The following TBC1D22A variants were observed in gnomAD, a reference collection of about 807,000 sequenced individuals.
The protein encoded by TBC1D22A is TBC1 domain family member 22A.
TBC1D22A carries 38 observed loss-of-function variants against 60.2 expected under a neutral mutation model. The ratio of observed to expected loss-of-function variants is 0.63; its 90% CI spans 0.49 to 0.83. TBC1D22A has a LOEUF of 0.83. Ranked by LOEUF, TBC1D22A falls within the 40% of genes least tolerant of loss-of-function variation. The pLI is 0.00. For synonymous variants in TBC1D22A, 302 were observed against 281.7 expected (o/e 1.07, Z -0.72); for missense variants, 628 against 701.0 (o/e 0.90, Z 1.18).
At chr22:46,824,938 G>T (rs2085985402) in intron 4 of TBC1D22A, among the ~76,000 whole-genome samples, 1 of 152,142 alleles carries the variant, frequency 6.6e-6, no homozygotes, top group African/African-American at 2.4e-5. Flanking sequence ...GGACACAGGT[G>T]TGTCTGTAGT....
At chr22:47,011,198 C>T (rs1258960301) in intron 10 of TBC1D22A, among the ~76,000 whole-genome samples, 1 of 152,174 alleles carries the variant, frequency 6.6e-6, no homozygotes, top group Admixed American at 6.5e-5. Flanking sequence ...CCTCCCAGTT[C>T]CTCCCTACCT....
chr22:46,921,427 T>C (rs1384746822), intron 8 of TBC1D22A, among the ~76,000 whole-genome samples: 2 of 152,266 alleles, frequency 1.3e-5, no homozygotes, highest in Non-Finnish European at 2.9e-5. Flanking sequence ...TCTTGTTCTT[T>C]TTTATAGCTG....
chr22:47,161,952 A>T (rs1363031480), intron 12 of TBC1D22A, among the ~76,000 whole-genome samples: 1 of 152,212 alleles, frequency 6.6e-6, no homozygotes, highest in East Asian at 1.9e-4. Flanking sequence ...GGCACCGCTG[A>T]GCGCCTTTGC....
rs1386952481 is a variant in TBC1D22A at position 46,777,531 on chromosome 22, A to G, written c.62+14683A>G. On this transcript the variant is annotated intron_variant, in intron 1 of 12. Transcript: ENST00000337137. This position sits in a 1 kb window ranked among gnomAD's most constrained non-coding sequence, Gnocchi z 4.5. ...GTTTACTCGGGTGGAGGAGGTCAGG[A>G]GAGAGCATGATTTTTCATAAGAGAA... is the stretch of plus-strand genomic sequence containing the variant. 6.6e-6 allele frequency among the ~76,000 whole-genome samples: 1 copy of G among 152,098 alleles called. No homozygotes were observed. The highest frequency in any genetic ancestry group is 2.4e-5 in the African/African-American group (1 of 41,416).
At chr22:46,790,080 G>T (rs1214820012) in intron 1 of TBC1D22A, among the ~76,000 whole-genome samples, 1 of 152,224 alleles carries the variant, frequency 6.6e-6, no homozygotes, top group Non-Finnish European at 1.5e-5. Flanking sequence ...AGCAAACATG[G>T]TATCCTAGAG....
intron 4 of TBC1D22A, among the ~76,000 whole-genome samples, chr22:46,799,295 G>A (rs1020992461): frequency 6.6e-6 from 1 of 152,142 alleles, no homozygotes; most frequent in South Asian, 2.1e-4. Context: ...AATTGTTTAC[G>A]TTTGCCCATT....
chr22:46,811,677 G>A (rs772694778), intron 4 of TBC1D22A, among the ~76,000 whole-genome samples: 2 of 152,166 alleles, frequency 1.3e-5, no homozygotes, highest in East Asian at 1.9e-4. Context: ...GCTCAGGGTC[G>A]CCCAGCTAGT....
At chr22:46,964,873 C>T (rs180959789) in intron 8 of TBC1D22A, among the ~76,000 whole-genome samples, 22 of 152,294 alleles carry the variant, frequency 1.4e-4, no homozygotes, top group African/African-American at 4.6e-4. Context: ...CACGTGGGCT[C>T]GTTAGAATTG....
At chr22:46,774,395 C>T (rs1025029420) in intron 1 of TBC1D22A, among the ~76,000 whole-genome samples, 1 of 152,330 alleles carries the variant, frequency 6.6e-6, no homozygotes, top group South Asian at 2.1e-4. Context: ...CTTTTTGTTC[C>T]CCCTTTCTGA....
chr22:46,864,760 G>T (rs1469503360), intron 4 of TBC1D22A, among the ~76,000 whole-genome samples: 1 of 152,214 alleles, frequency 6.6e-6, no homozygotes, highest in Non-Finnish European at 1.5e-5. Context: ...TGGAGTGCCA[G>T]TGGTGTTCCC....
chr22:46,947,909 T>G (rs2094645629), intron 8 of TBC1D22A, among the ~76,000 whole-genome samples: 1 of 152,240 alleles, frequency 6.6e-6, no homozygotes, highest in Non-Finnish European at 1.5e-5. Context: ...TAGCTCTTTC[T>G]CATCAAGAGA....
intron 9 of TBC1D22A, among the ~76,000 whole-genome samples, chr22:46,981,681 A>G (rs562853303): frequency 6.6e-6 from 1 of 152,230 alleles, no homozygotes; most frequent in East Asian, 1.9e-4. Context: ...GTCTTCCACC[A>G]TGATTCTGAG....
At chr22:46,973,602 C>T (rs1049046079) in intron 8 of TBC1D22A, among the ~76,000 whole-genome samples, 2 of 152,090 alleles carry the variant, frequency 1.3e-5, no homozygotes, top group African/African-American at 4.8e-5. Flanking sequence ...ATTTTTAAAA[C>T]ATTTATGAGT....
intron 8 of TBC1D22A, among the ~76,000 whole-genome samples, chr22:46,917,900 G>A (rs1390360414): frequency 6.6e-6 from 1 of 152,184 alleles, no homozygotes; most frequent in African/African-American, 2.4e-5. Context: ...GGCGTTGAGA[G>A]TCCAGGTGGC....
intron 4 of TBC1D22A, among the ~76,000 whole-genome samples, chr22:46,803,004 A>G (rs1449471092): frequency 2.0e-5 from 3 of 152,122 alleles, no homozygotes; most frequent in Admixed American, 1.3e-4. Context: ...CACACTCCAG[A>G]GATGGCATTT....
At chr22:47,098,423 C>T (rs530770642) in intron 11 of TBC1D22A, among the ~76,000 whole-genome samples, 2 of 152,326 alleles carry the variant, frequency 1.3e-5, no homozygotes, top group Admixed American at 1.3e-4. Flanking sequence ...CTGATGCTGC[C>T]ACCCCCAGGT....
At chr22:46,783,813 T>A (rs2084045065) in intron 1 of TBC1D22A, among the ~76,000 whole-genome samples, 1 of 152,202 alleles carries the variant, frequency 6.6e-6, no homozygotes, top group South Asian at 2.1e-4. Context: ...ATTCAGTCAA[T>A]GGGCATCTAG....
At position 46,762,774 on chromosome 22, in the gene TBC1D22A, A is replaced by G; in HGVS notation, c.-13A>G. The G allele has an allele frequency of 7.0e-7, 1 of 1,438,250 alleles. No individual in the cohort carries two copies. The highest frequency in any genetic ancestry group is 9.1e-7 in the Non-Finnish European group (1 of 1,102,078). The allele number at this position is 1,438,250 out of a possible 1,614,324, so 89.1% of individuals were successfully genotyped here. On this transcript the variant is annotated 5_prime_UTR_variant, in exon 1 of 13. An upstream start codon of the reference 5' UTR is lost. Coordinates refer to ENST00000337137, the MANE Select transcript of TBC1D22A (RefSeq NM_014346.5). ...GGTGTCTGGGCCGCGGGTCTGAGGG[A>G]TGAGGAGGGGCCATGGCCAGCGACG...
intron 11 of TBC1D22A, among the ~76,000 whole-genome samples, chr22:47,057,497 T>C (rs2063433611): frequency 6.6e-6 from 1 of 152,182 alleles, no homozygotes; most frequent in Admixed American, 6.5e-5. Flanking sequence ...GAAATGTGTA[T>C]TAGTTTGTTC....
Sources: gnomAD v4.1 joint callset for allele counts (sites outside exome capture counted in the v4.1 genomes callset) on GRCh38, gnomAD v4.1.1 for gene constraint, Gnocchi (gnomAD v3.1) non-coding constraint, MANE v1.5 for transcripts, NCBI Gene and HGNC (gene_info 2026-07-23, HGNC 2026-07-21) for gene names.